KCNQ5: variants seen among roughly 807,000 people sequenced by gnomAD.
The protein encoded by KCNQ5 is potassium voltage-gated channel subfamily Q member 5.
Under a neutral mutation model 98.2 loss-of-function variants are expected in KCNQ5, and 30 were observed. The observed-to-expected ratio is 0.31, with a 90% CI of 0.23 to 0.41. The LOEUF is 0.41. KCNQ5 is among the 10% of genes least tolerant of loss of function. KCNQ5 has a pLI of 1.00. For synonymous variants in KCNQ5, 458 were observed against 449.4 expected (o/e 1.02, Z -0.24); for missense variants, 835 against 1,182.5 (o/e 0.71, Z 4.31).
intron 1 of KCNQ5, among the ~76,000 whole-genome samples, chr6:72,952,195 T>C (rs552676356): frequency 6.6e-6 from 1 of 152,294 alleles, no homozygotes; most frequent in Non-Finnish European, 1.5e-5. Flanking sequence ...ACTTCAAAGT[T>C]TGACTTCAAA....
chr6:73,152,655 G>C (rs530124920), intron 10 of KCNQ5, among the ~76,000 whole-genome samples: 1 of 152,220 alleles, frequency 6.6e-6, no homozygotes, highest in South Asian at 2.1e-4. Flanking sequence ...TAAATTGAAT[G>C]TTTTCTCATA....
intron 1 of KCNQ5, among the ~76,000 whole-genome samples, chr6:72,774,293 A>G (rs1342334679): frequency 6.6e-6 from 1 of 152,172 alleles, no homozygotes; most frequent in Non-Finnish European, 1.5e-5. Context: ...TAAACAATAT[A>G]TAAGCAGATT....
chr6:72,656,730 G>A (rs1381157882), intron 1 of KCNQ5, among the ~76,000 whole-genome samples: 2 of 151,986 alleles, frequency 1.3e-5, no homozygotes, highest in African/African-American at 4.8e-5. Context: ...TGCTCTATGA[G>A]GGTTTCTCCA....
intron 1 of KCNQ5, among the ~76,000 whole-genome samples, chr6:72,817,918 G>T (rs1231576603): frequency 1.3e-5 from 2 of 151,292 alleles, no homozygotes; most frequent in Non-Finnish European, 2.9e-5. Context: ...AGAAACTGAG[G>T]CCCACACAAA....
At chr6:72,697,758 T>C (rs1222378991) in intron 1 of KCNQ5, among the ~76,000 whole-genome samples, 1 of 152,230 alleles carries the variant, frequency 6.6e-6, no homozygotes, top group Non-Finnish European at 1.5e-5. Context: ...TTAAAAGGGT[T>C]CCTTTTTTCA....
chr6:73,008,802 T>A (rs1769930539), intron 2 of KCNQ5, among the ~76,000 whole-genome samples: 1 of 152,126 alleles, frequency 6.6e-6, no homozygotes, highest in Non-Finnish European at 1.5e-5. Flanking sequence ...AACAATAACA[T>A]AAACATTCTT....
intron 2 of KCNQ5, among the ~76,000 whole-genome samples, chr6:73,039,023 G>A (rs985691825): frequency 6.6e-6 from 1 of 152,110 alleles, no homozygotes; most frequent in Non-Finnish European, 1.5e-5. Context: ...TGCTTTAGCG[G>A]TTATAGGGCT....
At chr6:72,788,354 TG>T (rs1409488075) in intron 1 of KCNQ5, among the ~76,000 whole-genome samples, 4 of 152,204 alleles carry the variant, frequency 2.6e-5, no homozygotes, top group African/African-American at 9.6e-5. Flanking sequence ...TTTGGATATC[TG>T]TAAGATGGGA....
At chr6:72,698,820 A>G (rs2154474551) in intron 1 of KCNQ5, among the ~76,000 whole-genome samples, 1 of 150,680 alleles carries the variant, frequency 6.6e-6, no homozygotes, top group East Asian at 2.0e-4. Flanking sequence ...ATGCCTGGCT[A>G]TTTTTTTATT....
intron 3 of KCNQ5, among the ~76,000 whole-genome samples, chr6:73,062,222 T>A (rs1393930919): frequency 6.6e-6 from 1 of 152,190 alleles, no homozygotes; most frequent in African/African-American, 2.4e-5. Context: ...CCAGAAGGCT[T>A]CCCTGGCCTC....
At chr6:72,930,600 C>T (rs914537596) in intron 1 of KCNQ5, among the ~76,000 whole-genome samples, 1 of 98,718 alleles carries the variant, frequency 1.0e-5, no homozygotes, top group Non-Finnish European at 2.1e-5. Context: ...AAAAAAAAAA[C>T]CGCTCAAATG....
chr6:73,150,592 C>G (rs1351175944), intron 10 of KCNQ5, among the ~76,000 whole-genome samples: 1 of 148,998 alleles, frequency 6.7e-6, no homozygotes, highest in Non-Finnish European at 1.5e-5. Flanking sequence ...ATTTGTTTAA[C>G]CTTTTGTCTA....
intron 5 of KCNQ5, among the ~76,000 whole-genome samples, chr6:73,100,800 G>A (rs925734677): frequency 2.0e-5 from 3 of 151,926 alleles, no homozygotes; most frequent in African/African-American, 7.2e-5. Flanking sequence ...GATGAAAAAG[G>A]AGACATTAAA....
chr6:72,703,769 C>G (rs1768940600), intron 1 of KCNQ5, among the ~76,000 whole-genome samples: 1 of 152,126 alleles, frequency 6.6e-6, no homozygotes, highest in Non-Finnish European at 1.5e-5. Context: ...CAATTTTGAG[C>G]TAGATTGCAA....
chr6:73,038,000 T>C (rs1450782680), intron 2 of KCNQ5, among the ~76,000 whole-genome samples: 1 of 152,146 alleles, frequency 6.6e-6, no homozygotes, highest in Non-Finnish European at 1.5e-5. Context: ...AGTCTTCCAA[T>C]TCATAAACAC....
chr6:73,153,766 A>G (rs1001623528), intron 10 of KCNQ5, among the ~76,000 whole-genome samples: 1 of 152,104 alleles, frequency 6.6e-6, no homozygotes, highest in Admixed American at 6.5e-5. Context: ...GAGTACTAAG[A>G]TTATTTATTC....
At chr6:73,164,030 A>G (rs551834924) in intron 10 of KCNQ5, among the ~76,000 whole-genome samples, 1 of 152,334 alleles carries the variant, frequency 6.6e-6, no homozygotes, top group South Asian at 2.1e-4. Context: ...ATGTATATGT[A>G]GCTCACATTT....
intron 2 of KCNQ5, among the ~76,000 whole-genome samples, chr6:73,018,249 T>C (rs907972883): frequency 3.3e-5 from 5 of 152,186 alleles, no homozygotes; most frequent in African/African-American, 1.2e-4. Context: ...GGCTCCTTTC[T>C]GAGTCACTTT....
intron 1 of KCNQ5, among the ~76,000 whole-genome samples, chr6:72,962,574 C>A (rs905722555): frequency 6.6e-6 from 1 of 152,046 alleles, no homozygotes. Context: ...TGCATGGTGG[C>A]CTTGAAAGGC....
Sources: allele counts gnomAD v4.1 joint callset (sites outside exome capture counted in the v4.1 genomes callset), GRCh38; gene constraint gnomAD v4.1.1; transcripts MANE v1.5; gene names NCBI Gene and HGNC (gene_info 2026-07-23, HGNC 2026-07-21).